CARD9: variants seen among roughly 807,000 people sequenced by gnomAD.
CARD9 encodes the protein caspase recruitment domain-containing protein 9.
In CARD9, 53 loss-of-function variants were observed where a neutral mutation model predicts 66.0. The ratio of observed to expected loss-of-function variants is 0.80; its 90% CI spans 0.64 to 1.01. CARD9 has a LOEUF of 1.01. Among genes scored for constraint, CARD9 ranks in the 50% least tolerant of loss-of-function variants. The pLI is 0.00. For missense variants in CARD9, 769 were observed against 743.2 expected, an observed-to-expected ratio of 1.03 and a Z score of -0.40; for synonymous variants, 387 against 313.8, an observed-to-expected ratio of 1.23 and a Z score of -2.47.
intron 7 of CARD9, among the ~76,000 whole-genome samples, chr9:136,368,611 C>T (rs1427109369): frequency 1.3e-5 from 2 of 152,214 alleles, no homozygotes; most frequent in African/African-American, 2.4e-5. Flanking sequence ...CCATTGGAAA[C>T]AACCTCCAGG....
At chr9:136,372,166 C>T (rs1201790097) in intron 1 of CARD9, 72 bp from the exon 2 acceptor site, 23 of 1,573,082 alleles carry the variant, frequency 1.5e-5, no homozygotes, top group Non-Finnish European at 1.8e-5. Flanking sequence ...CCCACTCCTT[C>T]TCAGACGCTG....
intron 7 of CARD9, among the ~76,000 whole-genome samples, chr9:136,369,331 A>G (rs1833200181): frequency 6.6e-6 from 1 of 152,254 alleles, no homozygotes; most frequent in Non-Finnish European, 1.5e-5. Context: ...ACAAAACCAA[A>G]TATATAAATA....
At chr9:136,371,239 G>C (rs1833262115) in intron 3 of CARD9, 85 bp downstream of exon 3, 1 of 1,582,170 alleles carries the variant, frequency 6.3e-7, no homozygotes, top group Non-Finnish European at 8.6e-7. Flanking sequence ...GGCTCCTAGG[G>C]ATGGGGGCCA....
chr9:136,368,040 G>A, intron 7 of CARD9: 2 of 1,413,076 alleles, frequency 1.4e-6, no homozygotes, highest in Non-Finnish European at 1.8e-6. Context: ...CTGCCCTTCT[G>A]TCTCCTCCCA....
At chr9:136,371,213 T>C in intron 3 of CARD9, 68 bp from the exon 4 acceptor site, 1 of 1,595,634 alleles carries the variant, frequency 6.3e-7, no homozygotes, top group Admixed American at 1.7e-5. Flanking sequence ...CGCCCTGCGC[T>C]GTGGCAGGAG....
rs764561565 is a variant in CARD9 at position 136,370,340 on chromosome 9, A to T, written c.905T>A (p.Phe302Tyr). The T allele has an allele frequency of 1.2e-6, 2 of 1,609,694 alleles. No individual in the cohort carries two copies. Among genetic ancestry groups the T allele is most frequent in the Admixed American group, 3.3e-5 (2 of 59,878 alleles). The change falls in exon 6 of 13, where the codon TTC becomes TAC. Residue 302 changes from phenylalanine to tyrosine, a missense_variant. Phe to Tyr is a conservative substitution (Grantham distance 22). Coordinates refer to ENST00000371732, the MANE Select transcript of CARD9 (RefSeq NM_052813.5). ...RDHQEQANTI[F>Y]SLRKDLRQGE... is the part of the protein sequence containing the mutation. ...CTGGCGGAGGTCCTTGCGCAGGGAG[A>T]AGATGGTGTTGGCCTGCTCCTGGTG... is the stretch of plus-strand genomic sequence containing the variant.
rs1407323914 is a variant in CARD9, at chr9:136,371,943, C to T, written c.136G>A (p.Glu46Lys). ...QCKVLNPDDE[E>K]QVLSDPNLVI... is the part of the protein sequence containing the mutation. ...AGGTTGGGGTCGCTGAGCACCTGCT[C>T]CTCATCATCGGGGTTCAGGACCTTG... The change falls in exon 2 of 13, where the codon GAG (glutamate) becomes AAG (lysine). Residue 46 changes from glutamate to lysine, a missense_variant. Transcript: ENST00000371732. 6.2e-7 allele frequency: 1 copy of T among 1,610,046 alleles called. No homozygotes were observed.
At position 136,372,010 on chromosome 9, in the gene CARD9, C is replaced by G; in HGVS notation, c.69G>C (p.Ser23=). The change falls in exon 2 of 13, where the codon TCG becomes TCC. Residue 23 remains serine, a synonymous_variant. Transcript: ENST00000371732. ...VLEGFRVTLT[S]VIDPSRITPY... is the part of the protein sequence containing the mutation. ...GTGTGATGCGTGAGGGGTCGATGAC[C>G]GAGGTGAGCGTCACCCGGAAGCCCT... 1 of 1,612,774 alleles carries G rather than the reference C, an allele frequency of 6.2e-7. No individual in the cohort carries two copies. The highest frequency in any genetic ancestry group is 8.5e-7 in the Non-Finnish European group (1 of 1,179,940).
intron 7 of CARD9, among the ~76,000 whole-genome samples, chr9:136,369,128 C>T (rs1358616663): frequency 2.6e-5 from 4 of 152,028 alleles, no homozygotes; most frequent in African/African-American, 9.7e-5. Flanking sequence ...CCAATTTTTG[C>T]ATTTTTTTGT....
chr9:136,367,154 C>T (rs1014301112), intron 9 of CARD9, 62 bp downstream of exon 9: 1 of 1,550,188 alleles, frequency 6.5e-7, no homozygotes, highest in South Asian at 1.1e-5. Flanking sequence ...TGCCTGGTGG[C>T]AGCTCAGCCA....
chr9:136,372,122 C>A (rs373722159), intron 1 of CARD9, 28 bp from the exon 2 acceptor site: 3 of 1,608,968 alleles, frequency 1.9e-6, no homozygotes, highest in East Asian at 2.2e-5. Flanking sequence ...GTGCTGAGAG[C>A]GATGCCGGCT....
intron 3 of CARD9, 66 bp from the exon 4 acceptor site, chr9:136,371,211 G>C: frequency 6.3e-7 from 1 of 1,595,792 alleles, no homozygotes; most frequent in Non-Finnish European, 8.5e-7. Flanking sequence ...CACGCCCTGC[G>C]CTGTGGCAGG....
chr9:136,366,558 C>A, intron 10 of CARD9: 1 of 581,458 alleles, frequency 1.7e-6, no homozygotes, highest in Non-Finnish European at 3.1e-6. Context: ...CAGACCCCCA[C>A]ACTCTCCACC....
chr9:136,368,139 C>T (rs949092632), intron 7 of CARD9, among the ~76,000 whole-genome samples: 4 of 152,242 alleles, frequency 2.6e-5, no homozygotes, highest in Non-Finnish European at 4.4e-5. Context: ...ATATGGAGAC[C>T]CTGACTGTCC....
intron 6 of CARD9, 143 bp downstream of exon 6, chr9:136,370,151 C>A: frequency 6.9e-7 from 1 of 1,457,372 alleles, no homozygotes; most frequent in South Asian, 1.3e-5. Flanking sequence ...AGGGCACCGT[C>A]CACTGTGCCT....
intron 2 of CARD9, 58 bp from the exon 3 acceptor site, chr9:136,371,519 T>TGGGGGGGGGGGG: frequency 1.9e-5 from 7 of 365,100 alleles, no homozygotes; most frequent in East Asian, 5.3e-5. Context: ...AGGGCTGGGG[T>TGGGGGGGGGGGG]GGGTGGGCCT....
rs1833257712 is a variant in CARD9, at chr9:136,371,077, G to C, written c.391C>G (p.Gln131Glu). Reference protein sequence around the residue: ...TEVMKLQKKVQDLTALLSSKD... With the variant: ...TEVMKLQKKVEDLTALLSSKD... ...GAGCTCAGCAGCGCGGTCAGGTCCTGCACCTTCTTCTGCAGCTTCATGACC... is the reference window on the plus strand; with the variant it reads ...GAGCTCAGCAGCGCGGTCAGGTCCTCCACCTTCTTCTGCAGCTTCATGACC... The change falls in exon 4 of 13, where the codon CAG (glutamine) becomes GAG (glutamate). Residue 131 changes from glutamine to glutamate, a missense_variant. Gln to Glu is a conservative substitution (Grantham distance 29). Transcript: ENST00000371732. 6.2e-7 allele frequency: 1 copy of C among 1,612,608 alleles called. No individual in the cohort carries two copies. The highest frequency in any genetic ancestry group is 1.1e-5 in the South Asian group (1 of 91,030).
In CARD9 at chr9:136,364,009, A is replaced by C; in HGVS notation, c.*293T>G. On this transcript the variant is annotated 3_prime_UTR_variant, in exon 13 of 13. Transcript: ENST00000371732. ...CAGCTGTGTTTTCTAACACTAATAC[A>C]ATGCATGCATGTATTGTGTGTTACA... is the stretch of plus-strand genomic sequence containing the variant. 3 of 1,282,024 alleles carry C rather than the reference A, an allele frequency of 2.3e-6. No homozygotes were observed. Among genetic ancestry groups the C allele is most frequent in the Non-Finnish European group, 3.3e-6 (3 of 901,998 alleles). The allele number at this position is 1,282,024 out of a possible 1,614,324, so 79.4% of individuals were successfully genotyped here.
chr9:136,367,354 C>A lies in CARD9; in HGVS notation c.1270-97G>T, dbSNP rs1588721562. On this transcript the variant is annotated intron_variant, in intron 8 of 12. Transcript: ENST00000371732. ...ACAGAGCGGGATCCTCCAGGGAGCC[C>A]TGGGCATGCCCTCAGCCACACCAGG... The A allele has an allele frequency of 3.6e-6, 5 of 1,378,142 alleles. No individual in the cohort carries two copies. In the East Asian group the frequency reaches 1.2e-4, roughly 33 times the overall value. The allele number at this position is 1,378,142 out of a possible 1,614,324, so 85.4% of individuals were successfully genotyped here.
Sources: gnomAD v4.1 joint callset for allele counts (sites outside exome capture counted in the v4.1 genomes callset) on GRCh38, gnomAD v4.1.1 for gene constraint, MANE v1.5 for transcripts, NCBI Gene and HGNC (gene_info 2026-07-23, HGNC 2026-07-21) for gene names.